IHH: variants seen among roughly 807,000 people sequenced by gnomAD.
The protein encoded by IHH is indian hedgehog protein.
In IHH, 9 loss-of-function variants were observed where a neutral mutation model predicts 29.4. The ratio of observed to expected loss-of-function variants is 0.31; its 90% CI spans 0.18 to 0.53. IHH has a LOEUF of 0.53. Ranked by LOEUF, IHH falls within the 20% of genes least tolerant of loss-of-function variation. The pLI is 0.95. For synonymous variants in IHH, 254 were observed against 252.7 expected (o/e 1.01, Z -0.05); for missense variants, 454 against 578.1 (o/e 0.79, Z 2.20).
At position 219,055,345 on chromosome 2, in the gene IHH, G is replaced by C. The variant is rs779911209; in HGVS notation, c.1098C>G (p.Leu366=). The part of the protein sequence containing the change: ...LAQLAFWPLR[L]FHSLAWGSWT... ...AGCTGCCCCATGCCAAGCTGTGAAAGAGTCTCAGGGGCCAGAAGGCCAACT... is the reference window on the plus strand; with the variant it reads ...AGCTGCCCCATGCCAAGCTGTGAAACAGTCTCAGGGGCCAGAAGGCCAACT... The change falls in exon 3 of 3, where the codon CTC becomes CTG. Residue 366 remains leucine (L), a synonymous_variant. Coordinates refer to ENST00000295731, the MANE Select transcript of IHH (RefSeq NM_002181.4). The C allele has an allele frequency of 6.8e-6, 11 of 1,613,294 alleles. No individual in the cohort carries two copies. In the East Asian group the frequency reaches 2.2e-4, roughly 33 times the overall value.
At position 219,060,671 on chromosome 2, in the gene IHH, G is replaced by C. The variant is rs1227965239; in HGVS notation, c.-204C>G. 4.0e-5 allele frequency among the ~76,000 whole-genome samples: 6 copies of C among 151,084 alleles called. No homozygotes were observed. The highest frequency in any genetic ancestry group is 1.3e-4 in the Admixed American group (2 of 15,190). Reference sequence around the variant, plus strand: ...CCAGGGCCCGAGCTGGTGGCGGCGCGCTGTCCCCCTCGGCGCCTCGACTCT... The same window carrying C: ...CCAGGGCCCGAGCTGGTGGCGGCGCCCTGTCCCCCTCGGCGCCTCGACTCT... On this transcript the variant is annotated 5_prime_UTR_variant, in exon 1 of 3. Transcript: ENST00000295731. This position sits in a 1 kb window ranked among gnomAD's most constrained non-coding sequence, Gnocchi z 8.8.
rs866100164 is a variant in IHH, at chr2:219,060,099, G to C, written c.315+54C>G. 1 of 1,486,996 alleles carries C rather than the reference G, an allele frequency of 6.7e-7. No individual in the cohort carries two copies. The allele number at this position is 1,486,996 out of a possible 1,614,324, so 92.1% of individuals were successfully genotyped here. A position where few individuals can be genotyped will look rare whatever the true frequency, so the allele number is the denominator to read the frequency against. Reference sequence around the variant, plus strand: ...AATGTGCCAGGGGGTGGGTAGGGCCGGGCAGGTGGCCGTGCTTCGGTGGCG... The same window carrying C: ...AATGTGCCAGGGGGTGGGTAGGGCCCGGCAGGTGGCCGTGCTTCGGTGGCG... On this transcript the variant is annotated intron_variant, in intron 1 of 2. Transcript: ENST00000295731. This position sits in a 1 kb window ranked among gnomAD's most constrained non-coding sequence, Gnocchi z 8.8.
At position 219,057,420 on chromosome 2, in the gene IHH, G is replaced by A. The variant is rs962670997; in HGVS notation, c.577+13C>T. On this transcript the variant is annotated intron_variant, in intron 2 of 2. Coordinates refer to ENST00000295731, the MANE Select transcript of IHH (RefSeq NM_002181.4). ...GCCCCGGCCCCGGGCCCAGCCCCCCGGCGGCGGCTCACCGGACTTGACGGA... is the reference window on the plus strand; with the variant it reads ...GCCCCGGCCCCGGGCCCAGCCCCCCAGCGGCGGCTCACCGGACTTGACGGA... 3 of 1,556,730 alleles carry A rather than the reference G, an allele frequency of 1.9e-6. No homozygotes were observed. The highest frequency in any genetic ancestry group is 1.9e-5 in the Admixed American group (1 of 51,506).
intron 2 of IHH, among the ~76,000 whole-genome samples, chr2:219,056,121 G>T (rs1559179297): frequency 6.6e-6 from 1 of 152,166 alleles, no homozygotes; most frequent in African/African-American, 2.4e-5. Flanking sequence ...GCATAGTGGG[G>T]CTCCAAGACC....
In IHH at chr2:219,057,379, C is replaced by T. The variant is rs998287632; in HGVS notation, c.577+54G>A. On this transcript the variant is annotated intron_variant, in intron 2 of 2. Coordinates refer to ENST00000295731, the MANE Select transcript of IHH (RefSeq NM_002181.4). ...CTTCACCTTCTCGGCACTACTCCTC[C>T]TGCCCATGCCCTGCGGCCCCGGCCC... 268 of 1,546,298 alleles carry T rather than the reference C, an allele frequency of 1.7e-4. 1 individual carries two copies. Among genetic ancestry groups the T allele is most frequent in the Non-Finnish European group, 1.9e-4 (219 of 1,144,024 alleles).
rs958503359 is a variant in IHH, at chr2:219,059,170, C to G, written c.315+983G>C. On this transcript the variant is annotated intron_variant, in intron 1 of 2. Coordinates refer to ENST00000295731, the MANE Select transcript of IHH (RefSeq NM_002181.4). This position sits in a 1 kb window ranked among gnomAD's most constrained non-coding sequence, Gnocchi z 4.7. ...CACCAGCCAACCTTCGGCCCCGACA[C>G]TGGCCGGCCAGCCCCGGCGCCAGGG... Among the ~76,000 whole-genome samples, 1 of 152,236 alleles carries G rather than the reference C, an allele frequency of 6.6e-6. No homozygotes were observed. Among genetic ancestry groups the G allele is most frequent in the African/African-American group, 2.4e-5 (1 of 41,464 alleles).
At position 219,060,420 on chromosome 2, in the gene IHH, C is replaced by T. The variant is rs1262319515; in HGVS notation, c.48G>A (p.Leu16=). ...CCGCCGGCACCACCAGCAGCAGCAACAGGACCAGGCAGAAGTGCAGTCGGG... is the reference window on the plus strand; with the variant it reads ...CCGCCGGCACCACCAGCAGCAGCAATAGGACCAGGCAGAAGTGCAGTCGGG... The part of the protein sequence containing the change: ...LRPRLHFCLV[L]LLLLVVPAAW... The change falls in exon 1 of 3, where the codon CTG becomes CTA. Residue 16 remains leucine, a synonymous_variant. Transcript: ENST00000295731. The surrounding 1 kb of genome is among the most constrained non-coding windows in gnomAD (Gnocchi z 8.8). The T allele has an allele frequency of 1.3e-6, 2 of 1,593,476 alleles. No homozygotes were observed. The highest frequency in any genetic ancestry group is 4.5e-5 in the East Asian group (2 of 44,624).
rs1329930820 is a variant in IHH at position 219,055,870 on chromosome 2, G to A, written c.578-5C>T. ...TCTTGGCTGCGGCCGAGTGCTCTGT[G>A]GGAGAAAGGGACATGAAGGTGTTAC... is the stretch of plus-strand genomic sequence containing the variant. On this transcript the variant is annotated splice_polypyrimidine_tract_variant and splice_region_variant and intron_variant, in intron 2 of 2. Coordinates refer to ENST00000295731, the MANE Select transcript of IHH (RefSeq NM_002181.4). 5 of 1,602,942 alleles carry A rather than the reference G, an allele frequency of 3.1e-6. No homozygotes were observed. Among genetic ancestry groups the A allele is most frequent in the Non-Finnish European group, 4.2e-6 (5 of 1,179,292 alleles).
At position 219,060,231 on chromosome 2, in the gene IHH, C is replaced by G. The variant is rs777335507; in HGVS notation, c.237G>C (p.Lys79Asn). 6.8e-6 allele frequency: 11 copies of G among 1,613,702 alleles called. No individual in the cohort carries two copies. In the South Asian group the frequency reaches 7.7e-5, roughly 11 times the overall value. The part of the protein sequence containing the change: ...GKIARSSERF[K>N]ELTPNYNPDI... ...CTGGATTGTAATTGGGGGTGAGCTC[C>G]TTGAAGCGCTCGGAGCTGCGAGCGA... Residue 79 changes from lysine (K) to asparagine (N), a missense_variant, in exon 1 of 3, where the codon AAG becomes AAC. This residue lies in a region of IHH where 113 missense variants were observed against 122.1 expected (regional missense o/e 0.93). Transcript: ENST00000295731. This position sits in a 1 kb window ranked among gnomAD's most constrained non-coding sequence, Gnocchi z 8.8.
chr2:219,056,443 A>T (rs1173634588), intron 2 of IHH, among the ~76,000 whole-genome samples: 1 of 152,204 alleles, frequency 6.6e-6, no homozygotes. Flanking sequence ...GGGACAGAAC[A>T]CTGCGGCATC....
rs546306064 is a variant in IHH, at chr2:219,056,656, C to T, written c.577+777G>A. 1.2e-4 allele frequency among the ~76,000 whole-genome samples: 18 copies of T among 152,110 alleles called. No homozygotes were observed. In the South Asian group the frequency reaches 1.5e-3, roughly 12 times the overall value. On this transcript the variant is annotated intron_variant, in intron 2 of 2. Coordinates refer to ENST00000295731, the MANE Select transcript of IHH (RefSeq NM_002181.4). ...AAAATGTGGGCCTGGGCTCAGTGTGCGGGTCTATGAGAGTGCAACTATTAC... is the reference window on the plus strand; with the variant it reads ...AAAATGTGGGCCTGGGCTCAGTGTGTGGGTCTATGAGAGTGCAACTATTAC...
Position 219,060,535 on chromosome 2 carries a change from G to C in IHH, c.-68C>G. On this transcript the variant is annotated 5_prime_UTR_variant, in exon 1 of 3. Coordinates refer to ENST00000295731, the MANE Select transcript of IHH (RefSeq NM_002181.4). This position sits in a 1 kb window ranked among gnomAD's most constrained non-coding sequence, Gnocchi z 8.8. ...GGCTGATGGGCAGGCGCGTCGACGG[G>C]AGCGCTGCGGGGGCTCAGGCGTCCG... 1 of 1,191,734 alleles carries C rather than the reference G, an allele frequency of 8.4e-7. No homozygotes were observed. Among genetic ancestry groups the C allele is most frequent in the Non-Finnish European group, 1.1e-6 (1 of 919,500 alleles). The allele number at this position is 1,191,734 out of a possible 1,614,324, so 73.8% of individuals were successfully genotyped here.
Position 219,060,477 on chromosome 2 carries a change from G to A in IHH, c.-10C>T. 1.4e-6 allele frequency: 2 copies of A among 1,457,566 alleles called. No individual in the cohort carries two copies. The highest frequency in any genetic ancestry group is 1.8e-6 in the Non-Finnish European group (2 of 1,111,342). The allele number at this position is 1,457,566 out of a possible 1,614,324, so 90.3% of individuals were successfully genotyped here. On this transcript the variant is annotated 5_prime_UTR_variant, in exon 1 of 3. Coordinates refer to ENST00000295731, the MANE Select transcript of IHH (RefSeq NM_002181.4). The surrounding 1 kb of genome is among the most constrained non-coding windows in gnomAD (Gnocchi z 8.8). ...GCCGGGCGGGAGACATGGCCGGGGA[G>A]CCCGGGGGAGCGGCGGGCGAGGTCT... is the stretch of plus-strand genomic sequence containing the variant.
chr2:219,055,077 T>A lies in IHH; in HGVS notation c.*130A>T, dbSNP rs1392667816. 1 of 966,364 alleles carries A rather than the reference T, an allele frequency of 1.0e-6. No individual in the cohort carries two copies. The highest frequency in any genetic ancestry group is 2.4e-5 in the Admixed American group (1 of 41,664). 59.9% of individuals were successfully genotyped at this position (966,364 alleles called of 1,614,324 possible). ...TGCCCAGTCAAGTCTCAATGGTGTA[T>A]CTTCATGGCAGAGGAGATGGCAGGA... On this transcript the variant is annotated 3_prime_UTR_variant, in exon 3 of 3. Coordinates refer to ENST00000295731, the MANE Select transcript of IHH (RefSeq NM_002181.4).
chr2:219,060,032 C>A lies in IHH; in HGVS notation c.315+121G>T. The A allele has an allele frequency of 2.3e-6, 2 of 877,916 alleles. No individual in the cohort carries two copies. The highest frequency in any genetic ancestry group is 3.5e-6 in the Non-Finnish European group (2 of 570,380). The allele number at this position is 877,916 out of a possible 1,614,324, so 54.4% of individuals were successfully genotyped here. ...TTGGGCAGGAGGCAGCGGGGCTTGG[C>A]GAGAGGGGCAGGTGCCAGGGAGCGT... On this transcript the variant is annotated intron_variant, in intron 1 of 2. Coordinates refer to ENST00000295731, the MANE Select transcript of IHH (RefSeq NM_002181.4). The surrounding 1 kb of genome is among the most constrained non-coding windows in gnomAD (Gnocchi z 8.8).
Position 219,057,553 on chromosome 2 carries a change from T to C in IHH, c.457A>G (p.Ile153Val), listed in dbSNP as rs1262414128. The C allele has an allele frequency of 1.9e-6, 3 of 1,614,066 alleles. No individual in the cohort carries two copies. Among genetic ancestry groups the C allele is most frequent in the Admixed American group, 1.7e-5 (1 of 60,032 alleles). Reference sequence around the variant, plus strand: ...TTGCGGTCGCGGTCTGATGTGGTGATGTCCACCGCGCGGCCCTCATAATGC... The same window carrying C: ...TTGCGGTCGCGGTCTGATGTGGTGACGTCCACCGCGCGGCCCTCATAATGC... ...SLHYEGRAVDITTSDRDRNKY... is the reference protein window; with the variant it reads ...SLHYEGRAVDVTTSDRDRNKY... The change falls in exon 2 of 3, where the codon ATC (isoleucine) becomes GTC (valine). Residue 153 changes from isoleucine (I) to valine (V), a missense_variant. Coordinates refer to ENST00000295731, the MANE Select transcript of IHH (RefSeq NM_002181.4).
Position 219,054,866 on chromosome 2 carries a change from T to G in IHH, c.*341A>C. On this transcript the variant is annotated 3_prime_UTR_variant, in exon 3 of 3. Coordinates refer to ENST00000295731, the MANE Select transcript of IHH (RefSeq NM_002181.4). ...CAAGCCCACCCAAAGGGGCCTAAGA[T>G]GGATGGAATGGGCCCTCCCCAATGG... is the stretch of plus-strand genomic sequence containing the variant. The G allele has an allele frequency of 9.7e-6, 3 of 309,242 alleles. No individual in the cohort carries two copies. The highest frequency in any genetic ancestry group is 4.3e-5 in the African/African-American group (2 of 46,244). 19.2% of individuals were successfully genotyped at this position (309,242 alleles called of 1,614,324 possible).
chr2:219,060,901 C>A lies in IHH; in HGVS notation c.-434G>T, dbSNP rs1291957874. Among the ~76,000 whole-genome samples the A allele has an allele frequency of 6.6e-6, 1 of 150,896 alleles. No individual in the cohort carries two copies. The highest frequency in any genetic ancestry group is 2.4e-5 in the African/African-American group (1 of 41,274). On this transcript the variant is annotated 5_prime_UTR_variant, in exon 1 of 3. Transcript: ENST00000295731. This position sits in a 1 kb window ranked among gnomAD's most constrained non-coding sequence, Gnocchi z 8.8. ...GCGGAGCGGGAGCTGCTGCCGTCTG[C>A]GGCGCAGCCCGGGGCCGAGTGAGAG...
rs746903546 is a variant in IHH, at chr2:219,057,422, C to A, written c.577+11G>T. ...CCCGGCCCCGGGCCCAGCCCCCCGGCGGCGGCTCACCGGACTTGACGGAGC... is the reference window on the plus strand; with the variant it reads ...CCCGGCCCCGGGCCCAGCCCCCCGGAGGCGGCTCACCGGACTTGACGGAGC... On this transcript the variant is annotated intron_variant, in intron 2 of 2. Coordinates refer to ENST00000295731, the MANE Select transcript of IHH (RefSeq NM_002181.4). 1.9e-6 allele frequency: 3 copies of A among 1,557,494 alleles called. No individual in the cohort carries two copies. Among genetic ancestry groups the A allele is most frequent in the Non-Finnish European group, 2.6e-6 (3 of 1,151,024 alleles).
Sources: gnomAD v4.1 joint callset for allele counts (sites outside exome capture counted in the v4.1 genomes callset) on GRCh38, gnomAD v4.1.1 for gene constraint, gnomAD v4.1.1 regional missense constraint, Gnocchi (gnomAD v3.1) non-coding constraint, MANE v1.5 for transcripts, NCBI Gene and HGNC (gene_info 2026-07-23, HGNC 2026-07-21) for gene names.